Variants in GRIK2 observed in about 807,000 individuals in gnomAD.
GRIK2 encodes glutamate ionotropic receptor kainate type subunit 2, also known as glutamate receptor ionotropic, kainate 2.
A neutral mutation model predicts 100.3 loss-of-function variants in GRIK2; 32 were observed. The ratio of observed to expected loss-of-function variants is 0.32; its 90% CI spans 0.24 to 0.43. The LOEUF is 0.43. GRIK2 is among the 20% of genes least tolerant of loss of function. The pLI, the probability that GRIK2 is intolerant of heterozygous loss-of-function variation, is 1.00. For synonymous variants in GRIK2, 417 were observed against 389.4 expected, an observed-to-expected ratio of 1.07 and a Z score of -0.83; for missense variants, 843 against 1,114.9, an observed-to-expected ratio of 0.76 and a Z score of 3.47.
chr6:101,601,287 C>T (rs866433717), intron 2 of GRIK2, among the ~76,000 whole-genome samples: 1 of 151,766 alleles, frequency 6.6e-6, no homozygotes. Context: ...ATGAACCTTA[C>T]TTGAGCATGG....
intron 7 of GRIK2, among the ~76,000 whole-genome samples, chr6:101,755,292 G>GA (rs1777067669): frequency 6.8e-6 from 1 of 147,294 alleles, no homozygotes; most frequent in Admixed American, 6.9e-5. Context: ...TCAGCCTCCC[G>GA]AGTGGCTGGG....
chr6:101,493,756 T>C (rs9399721), intron 2 of GRIK2, among the ~76,000 whole-genome samples: 57,543 of 150,592 alleles, frequency 0.38, 11,483 homozygotes, highest in South Asian at 0.55. Context: ...TTATATATTA[T>C]TGGAATTTGT....
intron 2 of GRIK2, chr6:101,620,175 C>T (rs954957738): frequency 6.6e-6 from 5 of 755,640 alleles, no homozygotes; most frequent in East Asian, 2.6e-4. Flanking sequence ...ATGTTAAACC[C>T]GGTCTAGCTC....
At chr6:101,497,038 T>C (rs1311180095) in intron 2 of GRIK2, among the ~76,000 whole-genome samples, 1 of 152,228 alleles carries the variant, frequency 6.6e-6, no homozygotes, top group Non-Finnish European at 1.5e-5. Flanking sequence ...AATGTTCTGC[T>C]CACTCACTCT....
intron 14 of GRIK2, among the ~76,000 whole-genome samples, chr6:101,986,497 T>A (rs1246015687): frequency 6.6e-6 from 1 of 151,902 alleles, no homozygotes; most frequent in Non-Finnish European, 1.5e-5. Context: ...CTTTTTTAAT[T>A]GCATTAGCTT....
intron 7 of GRIK2, among the ~76,000 whole-genome samples, chr6:101,724,826 A>T (rs935310596): frequency 6.6e-6 from 1 of 151,974 alleles, no homozygotes; most frequent in Non-Finnish European, 1.5e-5. Flanking sequence ...AAAATCTAAG[A>T]GTTCTGAGAA....
chr6:101,435,386 ATTTTTT>A (rs367634710), intron 2 of GRIK2, among the ~76,000 whole-genome samples: 1 of 140,904 alleles, frequency 7.1e-6, no homozygotes. Flanking sequence ...GCACACGGTG[ATTTTTT>A]TTTTTTTTTT....
At chr6:101,997,428 A>T (rs1437034183) in intron 14 of GRIK2, among the ~76,000 whole-genome samples, 1 of 152,032 alleles carries the variant, frequency 6.6e-6, no homozygotes, top group African/African-American at 2.4e-5. Context: ...TGGTATTTTT[A>T]AATTTTAAAT....
At chr6:101,775,466 C>T (rs1399911260) in intron 7 of GRIK2, among the ~76,000 whole-genome samples, 1 of 151,648 alleles carries the variant, frequency 6.6e-6, no homozygotes, top group African/African-American at 2.4e-5. Flanking sequence ...CCTTTCAGCC[C>T]TCATGGGTAC....
At chr6:101,527,474 T>A (rs1775212655) in intron 2 of GRIK2, among the ~76,000 whole-genome samples, 1 of 152,174 alleles carries the variant, frequency 6.6e-6, no homozygotes, top group Non-Finnish European at 1.5e-5. Context: ...TATATTATGA[T>A]CATGAGATAT....
chr6:101,533,509 C>G (rs1384610556), intron 2 of GRIK2, among the ~76,000 whole-genome samples: 2 of 151,732 alleles, frequency 1.3e-5, no homozygotes, highest in Non-Finnish European at 2.9e-5. Flanking sequence ...TTTGTTGTAC[C>G]CTCCCTCTGA....
chr6:101,498,838 A>G (rs1440851376), intron 2 of GRIK2, among the ~76,000 whole-genome samples: 1 of 152,124 alleles, frequency 6.6e-6, no homozygotes, highest in African/African-American at 2.4e-5. Context: ...CTCTGATGGT[A>G]GTTTCTTTTG....
rs1045480614 is a variant in GRIK2 at position 101,730,978 on chromosome 6, G to A, written c.951+44625G>A. On this transcript the variant is annotated intron_variant, in intron 7 of 16. Coordinates refer to ENST00000369134, the MANE Select transcript of GRIK2 (RefSeq NM_021956.5). Reference sequence around the variant, plus strand: ...TTACTTGAATGTTAGTCGTCAAAGTGATATCAAATCTTATCACTGCATTGA... The same window carrying A: ...TTACTTGAATGTTAGTCGTCAAAGTAATATCAAATCTTATCACTGCATTGA... Among the ~76,000 whole-genome samples the A allele has an allele frequency of 3.5e-4, 53 of 152,014 alleles. 1 individual carries two copies. The highest frequency in any genetic ancestry group is 7.4e-4 in the Non-Finnish European group (50 of 67,870).
intron 7 of GRIK2, among the ~76,000 whole-genome samples, chr6:101,755,087 A>G (rs1777044781): frequency 6.6e-6 from 1 of 152,120 alleles, no homozygotes; most frequent in Non-Finnish European, 1.5e-5. Flanking sequence ...AAAAGACATG[A>G]AAACAAGTCA....
Position 101,806,814 on chromosome 6 carries a change from C to G in GRIK2, c.1203+4376C>G, listed in dbSNP as rs140583085. On this transcript the variant is annotated intron_variant, in intron 9 of 16. Coordinates refer to ENST00000369134, the MANE Select transcript of GRIK2 (RefSeq NM_021956.5). ...GATAGGCCTCCTCTAAGTCTCTAAT[C>G]AAGTTTAAATTTCTCCTAATGCTCT... Among the ~76,000 whole-genome samples, 48 of 151,772 alleles carry G rather than the reference C, an allele frequency of 3.2e-4. No individual in the cohort carries two copies. In the East Asian group the frequency reaches 8.2e-3, roughly 26 times the overall value.
intron 14 of GRIK2, among the ~76,000 whole-genome samples, chr6:101,972,704 T>C (rs1042284819): frequency 3.3e-5 from 5 of 151,980 alleles, no homozygotes; most frequent in African/African-American, 1.2e-4. Context: ...CTTTAATTAA[T>C]CTTGGGTTGA....
In GRIK2 at chr6:102,009,961, A is replaced by G. The variant is rs116261134; in HGVS notation, c.2086-25380A>G. ...TTTATGCTTTTAATGCTTGAGTGCA[A>G]TATGTAACTACAGCTTTATGAAAAC... is the stretch of plus-strand genomic sequence containing the variant. On this transcript the variant is annotated intron_variant, in intron 14 of 16. Coordinates refer to ENST00000369134, the MANE Select transcript of GRIK2 (RefSeq NM_021956.5). Among the ~76,000 whole-genome samples the G allele has an allele frequency of 8.1e-3, 1,239 of 152,282 alleles. 17 individuals are homozygous for G. Among genetic ancestry groups the G allele is most frequent in the African/African-American group, 0.028 (1,146 of 41,564 alleles).
intron 3 of GRIK2, among the ~76,000 whole-genome samples, chr6:101,622,562 A>T (rs1780216722): frequency 6.6e-6 from 1 of 152,072 alleles, no homozygotes; most frequent in Admixed American, 6.6e-5. Flanking sequence ...ATGTCAGCAT[A>T]TATTGAAACT....
In GRIK2 at chr6:101,921,378, GATTT is replaced by G. The variant is rs560887251; in HGVS notation, c.1749-3221_1749-3218del. On this transcript the variant is annotated intron_variant, in intron 12 of 16. Coordinates refer to ENST00000369134, the MANE Select transcript of GRIK2 (RefSeq NM_021956.5). ...CACTTTAAGTCAAGGGAGTGAATAG[GATTT>G]AATATATATATTTGGGGAAACAAAT... Among the ~76,000 whole-genome samples the G allele has an allele frequency of 1.7e-4, 26 of 152,176 alleles. 1 individual carries two copies. The South Asian group carries it at 5.4e-3, about 32-fold the overall frequency.
Sources: allele counts gnomAD v4.1 joint callset (sites outside exome capture counted in the v4.1 genomes callset), GRCh38; gene constraint gnomAD v4.1.1; transcripts MANE v1.5; gene names NCBI Gene and HGNC (gene_info 2026-07-23, HGNC 2026-07-21).